SLC38A6: variants seen among roughly 807,000 people sequenced by gnomAD.
SLC38A6 encodes N system amino acid transporter NAT-1.
SLC38A6 carries 73 observed loss-of-function variants against 65.0 expected under a neutral mutation model. That is an observed-to-expected ratio of 1.12 (90% CI 0.93 to 1.37). The LOEUF is 1.37. SLC38A6 is among the 40% of genes most tolerant of loss of function. The pLI is 0.00. For missense variants in SLC38A6, 561 were observed against 531.1 expected (o/e 1.06, Z -0.55); for synonymous variants, 183 against 178.8 (o/e 1.02, Z -0.19).
At chr14:61,073,852 G>C (rs950917980) in intron 15 of SLC38A6, 1 of 151,704 alleles carries the variant, frequency 6.6e-6, no homozygotes, top group Admixed American at 6.6e-5. Flanking sequence ...GAGAAGGCAA[G>C]ACCAACCCCT....
chr14:61,037,217 G>A lies in SLC38A6; in HGVS notation c.565+76G>A, dbSNP rs2041455824. The A allele has an allele frequency of 4.4e-6, 5 of 1,124,018 alleles. No individual in the cohort carries two copies. In the South Asian group the frequency reaches 7.8e-5, roughly 17 times the overall value. The allele number at this position is 1,124,018 out of a possible 1,614,324, so 69.6% of individuals were successfully genotyped here. The stretch of plus-strand genomic sequence containing the variant: ...GGAGGGAAAGAGAGACAAATATTAA[G>A]GGGCTTTAAAATTTCACAGTACCAC... On this transcript the variant is annotated intron_variant, in intron 7 of 15. Transcript: ENST00000267488.
intron 5 of SLC38A6, among the ~76,000 whole-genome samples, chr14:61,025,031 C>T (rs914424521): frequency 3.0e-4 from 45 of 152,094 alleles, no homozygotes; most frequent in Non-Finnish European, 7.4e-5. Flanking sequence ...AAACCATAAA[C>T]ATTAGTAGTC....
chr14:61,081,082 A>G (rs962152483), intron 16 of SLC38A6, among the ~76,000 whole-genome samples: 2 of 144,634 alleles, frequency 1.4e-5, no homozygotes, highest in African/African-American at 5.0e-5. Flanking sequence ...AATGGTGGCT[A>G]ATCATGCTGG....
chr14:61,077,614 C>T (rs1032727055), intron 15 of SLC38A6, among the ~76,000 whole-genome samples: 3 of 152,026 alleles, frequency 2.0e-5, no homozygotes, highest in African/African-American at 7.2e-5. Context: ...GGAGCCTCTC[C>T]TTGTCTTTGT....
At chr14:60,984,611 G>A (rs2182985) in intron 2 of SLC38A6, 119 bp from the exon 3 acceptor site, 643,885 of 687,858 alleles carry the variant, frequency 0.94, 303,954 homozygotes, top group Non-Finnish European at 0.99. Context: ...ACATAATTCT[G>A]CTACTCAGAG....
At chr14:61,014,127 A>T (rs2039807221) in intron 3 of SLC38A6, among the ~76,000 whole-genome samples, 1 of 151,930 alleles carries the variant, frequency 6.6e-6, no homozygotes, top group African/African-American at 2.4e-5. Flanking sequence ...GCTTCATTTC[A>T]TTCATTTGAT....
At chr14:61,077,786 C>T (rs1182529692) in intron 15 of SLC38A6, among the ~76,000 whole-genome samples, 1 of 151,848 alleles carries the variant, frequency 6.6e-6, no homozygotes, top group East Asian at 1.9e-4. Context: ...TTCTACTCAA[C>T]TCTCCCAAAA....
intron 3 of SLC38A6, among the ~76,000 whole-genome samples, chr14:61,005,296 A>G (rs1338771144): frequency 2.9e-4 from 36 of 124,624 alleles, no homozygotes; most frequent in Non-Finnish European, 5.8e-4. Context: ...CTCTCTCACC[A>G]CTCCTATTCA....
In SLC38A6 at chr14:60,981,267, T is replaced by C. The variant is rs2036985921; in HGVS notation, c.-11T>C. 1.9e-6 allele frequency: 3 copies of C among 1,593,158 alleles called. No individual in the cohort carries two copies. Among genetic ancestry groups the C allele is most frequent in the Non-Finnish European group, 2.6e-6 (3 of 1,169,910 alleles). ...CTCGTAGATGGAACTGGTAGTCAGC[T>C]GGAGAGCAGCATGGAGGCGTCCTGG... On this transcript the variant is annotated 5_prime_UTR_variant, in exon 1 of 16. Transcript: ENST00000267488.
At chr14:60,985,197 G>GCTA (rs2037367311) in intron 3 of SLC38A6, among the ~76,000 whole-genome samples, 1 of 152,220 alleles carries the variant, frequency 6.6e-6, no homozygotes, top group Non-Finnish European at 1.5e-5. Context: ...CTAGTCAGAG[G>GCTA]TAGGGATGGC....
intron 1 of SLC38A6, 55 bp from the exon 2 acceptor site, chr14:60,982,453 A>C: frequency 3.2e-6 from 5 of 1,577,974 alleles, no homozygotes; most frequent in Non-Finnish European, 3.4e-6. Context: ...TTTCTTTACG[A>C]AATTTTAACT....
At chr14:60,994,780 G>A (rs1480362899) in intron 3 of SLC38A6, among the ~76,000 whole-genome samples, 3 of 150,974 alleles carry the variant, frequency 2.0e-5, no homozygotes, top group Non-Finnish European at 4.4e-5. Context: ...GAGGTGGGCG[G>A]ATCACCTGAG....
At chr14:61,015,710 G>C (rs6573353) in intron 3 of SLC38A6, among the ~76,000 whole-genome samples, 194 bp from the exon 4 acceptor site, 141,627 of 152,004 alleles carry the variant, frequency 0.93, 66,362 homozygotes, top group Non-Finnish European at 0.99. Flanking sequence ...GCTGATTAAA[G>C]CCAACCATCC....
intron 15 of SLC38A6, among the ~76,000 whole-genome samples, chr14:61,069,120 T>C (rs997101670): frequency 9.2e-5 from 14 of 152,192 alleles, no homozygotes; most frequent in African/African-American, 3.4e-4. Context: ...TCCAAATCTC[T>C]GAGGGTTACG....
At chr14:61,075,196 G>A (rs187792361) in intron 15 of SLC38A6, among the ~76,000 whole-genome samples, 18 of 152,286 alleles carry the variant, frequency 1.2e-4, no homozygotes, top group African/African-American at 3.4e-4. Context: ...GAACAGAAGC[G>A]TTTAATATTC....
At chr14:61,069,565 A>G (rs1488926449) in intron 15 of SLC38A6, among the ~76,000 whole-genome samples, 1 of 152,096 alleles carries the variant, frequency 6.6e-6, no homozygotes, top group Non-Finnish European at 1.5e-5. Flanking sequence ...ACATACCCAG[A>G]ATGTGACTTA....
At chr14:61,075,072 T>G (rs999700245) in intron 15 of SLC38A6, among the ~76,000 whole-genome samples, 1 of 152,106 alleles carries the variant, frequency 6.6e-6, no homozygotes, top group African/African-American at 2.4e-5. Flanking sequence ...TAAACCACTC[T>G]GCATAAAAGA....
chr14:61,004,082 G>C (rs899561596), intron 3 of SLC38A6, among the ~76,000 whole-genome samples: 2 of 152,044 alleles, frequency 1.3e-5, no homozygotes, highest in Non-Finnish European at 1.5e-5. Flanking sequence ...TAAACTGTTA[G>C]TTTGATTACA....
intron 5 of SLC38A6, among the ~76,000 whole-genome samples, chr14:61,030,074 C>G (rs945249903): frequency 6.6e-6 from 1 of 152,162 alleles, no homozygotes; most frequent in Non-Finnish European, 1.5e-5. Context: ...TGTTGCTAAA[C>G]TAACCTCTAA....
Sources: allele counts gnomAD v4.1 joint callset (sites outside exome capture counted in the v4.1 genomes callset), GRCh38; gene constraint gnomAD v4.1.1; transcripts MANE v1.5; gene names NCBI Gene and HGNC (gene_info 2026-07-23, HGNC 2026-07-21).